Variants in RFX7 observed in about 807,000 individuals in gnomAD.
RFX7 encodes the protein regulatory factor X7.
Under a neutral mutation model 111.8 loss-of-function variants are expected in RFX7, and 26 were observed. The observed-to-expected ratio is 0.23, with a 90% CI of 0.17 to 0.32. The LOEUF is 0.32. RFX7 is among the 10% of genes least tolerant of loss of function. The probability of loss-of-function intolerance (pLI) is 1.00; values close to 1 mark genes in which losing one functional copy is unlikely to be tolerated. For missense variants in RFX7, 1,573 were observed against 1,772.9 expected (o/e 0.89, Z 2.02); for synonymous variants, 624 against 624.4 (o/e 1.00, Z 0.01).
chr15:56,223,319 A>G (rs1250269421), intron 2 of RFX7, among the ~76,000 whole-genome samples: 1 of 152,310 alleles, frequency 6.6e-6, no homozygotes, highest in East Asian at 1.9e-4. Context: ...CAACTGCTTC[A>G]GCAGCCATGC....
intron 3 of RFX7, among the ~76,000 whole-genome samples, chr15:56,150,250 T>A (rs986945886): frequency 2.0e-5 from 3 of 152,102 alleles, no homozygotes; most frequent in African/African-American, 7.2e-5. Context: ...GACTTAAACA[T>A]CCCTGCCTGA....
At chr15:56,238,389 A>G (rs1000456917) in intron 2 of RFX7, among the ~76,000 whole-genome samples, 82 of 152,226 alleles carry the variant, frequency 5.4e-4, no homozygotes, top group African/African-American at 1.9e-3. Context: ...GATCATATAT[A>G]TAATTCTACT....
intron 3 of RFX7, among the ~76,000 whole-genome samples, chr15:56,175,997 T>C (rs1024102495): frequency 7.2e-5 from 11 of 152,310 alleles, no homozygotes; most frequent in African/African-American, 2.2e-4. Context: ...TTCTTGCTTA[T>C]GGCTGCTGCC....
intron 2 of RFX7, among the ~76,000 whole-genome samples, chr15:56,206,144 A>G (rs2043248708): frequency 6.6e-6 from 1 of 152,200 alleles, no homozygotes; most frequent in African/African-American, 2.4e-5. Context: ...TAATGTTGAG[A>G]GCAGCACTAT....
intron 5 of RFX7, among the ~76,000 whole-genome samples, chr15:56,111,280 A>T (rs2140939998): frequency 6.6e-6 from 1 of 150,542 alleles, no homozygotes; most frequent in African/African-American, 2.4e-5. Context: ...GACATGGGAG[A>T]CTTTTCATTT....
At chr15:56,181,887 C>T (rs72738638) in intron 2 of RFX7, among the ~76,000 whole-genome samples, 19,623 of 152,102 alleles carry the variant, frequency 0.13, 1,649 homozygotes, top group East Asian at 0.44. Flanking sequence ...AGCAACCAAG[C>T]GCATTACTGC....
At chr15:56,216,397 G>A (rs1050734995) in intron 2 of RFX7, among the ~76,000 whole-genome samples, 7 of 152,116 alleles carry the variant, frequency 4.6e-5, no homozygotes, top group African/African-American at 1.7e-4. Context: ...TTGTATTCAA[G>A]TTTTAAAATT....
Position 56,087,660 on chromosome 15 carries a change from A to G in RFX7, c.*5685T>C. 2.3e-6 allele frequency: 1 copy of G among 426,942 alleles called. No homozygotes were observed. Among genetic ancestry groups the G allele is most frequent in the Non-Finnish European group, 4.7e-6 (1 of 211,758 alleles). The allele number at this position is 426,942 out of a possible 1,614,324, so 26.4% of individuals were successfully genotyped here. ...AAAATCAAGGACTTTTACAGTAAAG[A>G]AGAAGGGGAGAATGCATACTACTGG... On this transcript the variant is annotated 3_prime_UTR_variant, in exon 10 of 10. Transcript: ENST00000559447.
intron 3 of RFX7, among the ~76,000 whole-genome samples, chr15:56,151,321 T>A (rs555214726): frequency 6.6e-6 from 1 of 152,180 alleles, no homozygotes; most frequent in African/African-American, 2.4e-5. Flanking sequence ...AAGGTCAGGT[T>A]ACCCACAAAG....
chr15:56,110,111 C>T (rs1357289272), intron 5 of RFX7, among the ~76,000 whole-genome samples: 4 of 128,860 alleles, frequency 3.1e-5, no homozygotes, highest in East Asian at 2.5e-4. Context: ...GCCCCCCGCC[C>T]GGCCAGCCGC....
intron 6 of RFX7, 81 bp downstream of exon 6, chr15:56,103,473 G>T: frequency 1.3e-6 from 1 of 792,902 alleles, no homozygotes; most frequent in Non-Finnish European, 2.0e-6. Context: ...AAATAAAGTT[G>T]CCAGTTGAAC....
chr15:56,231,134 G>C (rs2043551694), intron 2 of RFX7, among the ~76,000 whole-genome samples: 1 of 152,322 alleles, frequency 6.6e-6, no homozygotes, highest in East Asian at 1.9e-4. Context: ...CTGGTGAATA[G>C]CAAGAAGGCT....
chr15:56,107,467 T>A (rs1363294353), intron 5 of RFX7, among the ~76,000 whole-genome samples: 1 of 152,064 alleles, frequency 6.6e-6, no homozygotes, highest in East Asian at 1.9e-4. Context: ...TTCATTCATG[T>A]CACAAATTTA....
chr15:56,154,067 C>A (rs1423985372), intron 3 of RFX7, among the ~76,000 whole-genome samples: 2 of 152,098 alleles, frequency 1.3e-5, no homozygotes, highest in African/African-American at 4.8e-5. Flanking sequence ...CCTAGGAATA[C>A]AACTTACAAG....
Position 56,144,386 on chromosome 15 carries a change from C to T in RFX7, c.278+15G>A. ...ATAAACAGCATAATTATAGCAAAGA[C>T]AAGAATAGATATACCTTTTCTCTCC... On this transcript the variant is annotated intron_variant, in intron 4 of 9. Transcript: ENST00000559447. 1 of 1,315,900 alleles carries T rather than the reference C, an allele frequency of 7.6e-7. No homozygotes were observed. Among genetic ancestry groups the T allele is most frequent in the Non-Finnish European group, 1.0e-6 (1 of 976,142 alleles). 81.5% of individuals were successfully genotyped at this position (1,315,900 alleles called of 1,614,324 possible).
chr15:56,232,415 C>A (rs183362298), intron 2 of RFX7, among the ~76,000 whole-genome samples: 48 of 152,256 alleles, frequency 3.2e-4, no homozygotes, highest in Non-Finnish European at 5.3e-4. Flanking sequence ...CTGGGACTGG[C>A]CCATGAAATC....
chr15:56,122,702 C>G (rs1954155014), intron 5 of RFX7, among the ~76,000 whole-genome samples: 1 of 152,088 alleles, frequency 6.6e-6, no homozygotes, highest in Admixed American at 6.5e-5. Context: ...TAGAAATCTA[C>G]CTGGTGCTTT....
At chr15:56,131,392 G>C (rs1235439259) in intron 5 of RFX7, among the ~76,000 whole-genome samples, 1 of 141,822 alleles carries the variant, frequency 7.1e-6, no homozygotes, top group East Asian at 2.0e-4. Flanking sequence ...TCAGACTCTC[G>C]TATAGCTAGC....
intron 2 of RFX7, among the ~76,000 whole-genome samples, chr15:56,231,795 A>T (rs2043560913): frequency 6.6e-6 from 1 of 152,232 alleles, no homozygotes; most frequent in Non-Finnish European, 1.5e-5. Context: ...AAAATCAAAA[A>T]GCTAGTTACT....
Sources: gnomAD v4.1 joint callset for allele counts (sites outside exome capture counted in the v4.1 genomes callset) on GRCh38, gnomAD v4.1.1 for gene constraint, MANE v1.5 for transcripts, NCBI Gene and HGNC (gene_info 2026-07-23, HGNC 2026-07-21) for gene names.